Variants in CPXM2 observed in about 807,000 individuals in gnomAD.
CPXM2 encodes the protein carboxypeptidase X, M14 family member 2.
In CPXM2, 66 loss-of-function variants were observed where a neutral mutation model predicts 86.1. That is an observed-to-expected ratio of 0.77 (90% confidence interval 0.63 to 0.94). The LOEUF (loss-of-function observed/expected upper bound fraction) is 0.94. Ranked by LOEUF, CPXM2 falls within the 40% of genes least tolerant of loss-of-function variation. CPXM2 has a pLI of 0.00. For synonymous variants in CPXM2, 388 were observed against 400.2 expected (o/e 0.97, Z 0.36); for missense variants, 948 against 1,026.3 (o/e 0.92, Z 1.04).
intron 6 of CPXM2, among the ~76,000 whole-genome samples, chr10:123,782,214 TG>T (rs1846950800): frequency 1.3e-5 from 2 of 152,242 alleles, no homozygotes; most frequent in Admixed American, 1.3e-4. Flanking sequence ...TTTCCAAACC[TG>T]CCAGTTTCAA....
At chr10:123,881,462 G>T in intron 1 of CPXM2, among the ~76,000 whole-genome samples, 1 of 152,018 alleles carries the variant, frequency 6.6e-6, no homozygotes, top group East Asian at 1.9e-4. Flanking sequence ...GAGAGGGGAA[G>T]GAAGGGAAGC....
chr10:123,845,956 T>C (rs1195967050), intron 3 of CPXM2, among the ~76,000 whole-genome samples: 3 of 152,126 alleles, frequency 2.0e-5, no homozygotes, highest in Admixed American at 1.3e-4. Flanking sequence ...AGATTTTTCA[T>C]CCTAGAATTT....
intron 4 of CPXM2, among the ~76,000 whole-genome samples, chr10:123,835,896 A>C (rs559664142): frequency 6.6e-6 from 1 of 152,182 alleles, no homozygotes; most frequent in Non-Finnish European, 1.5e-5. Context: ...GTGGAAGAGA[A>C]AGGGTGGACT....
intron 2 of CPXM2, among the ~76,000 whole-genome samples, chr10:123,871,643 A>T (rs914962177): frequency 6.6e-6 from 1 of 152,250 alleles, no homozygotes; most frequent in Non-Finnish European, 1.5e-5. Context: ...AAATATCTTC[A>T]TGACCTTGGG....
At chr10:123,768,438 A>C in intron 9 of CPXM2, 88 bp downstream of exon 9, 1 of 805,494 alleles carries the variant, frequency 1.2e-6, no homozygotes, top group Non-Finnish European at 1.8e-6. Context: ...GGAAGGTGGA[A>C]TTTTGCATAG....
At chr10:123,816,112 T>C (rs951726235) in intron 4 of CPXM2, among the ~76,000 whole-genome samples, 2 of 152,114 alleles carry the variant, frequency 1.3e-5, no homozygotes. Flanking sequence ...GAGATTGGGA[T>C]GGTGGAGTGG....
chr10:123,894,517 G>A (rs1484905107), upstream of CPXM2, among the ~76,000 whole-genome samples: 1 of 152,174 alleles, frequency 6.6e-6, no homozygotes, highest in African/African-American at 2.4e-5. Flanking sequence ...GTCTACCTCT[G>A]GCTCCCTCTC....
intron 2 of CPXM2, among the ~76,000 whole-genome samples, chr10:123,866,509 G>C (rs1848984482): frequency 6.6e-6 from 1 of 151,872 alleles, no homozygotes; most frequent in South Asian, 2.1e-4. Flanking sequence ...AGGTTGCAGT[G>C]AGCCGAGATC....
intron 6 of CPXM2, among the ~76,000 whole-genome samples, chr10:123,795,478 G>C (rs995148149): frequency 6.6e-6 from 1 of 152,128 alleles, no homozygotes; most frequent in African/African-American, 2.4e-5. Flanking sequence ...AAAGAGGCCT[G>C]GAAAGTGCAG....
At chr10:123,841,049 A>T (rs1369022708) in intron 4 of CPXM2, among the ~76,000 whole-genome samples, 3 of 152,192 alleles carry the variant, frequency 2.0e-5, no homozygotes, top group Admixed American at 1.3e-4. Flanking sequence ...GACGGGAGGG[A>T]TCTGAGCTCA....
intron 2 of CPXM2, among the ~76,000 whole-genome samples, chr10:123,867,527 CTTTTTTTTTTT>C (rs34482126): frequency 1.1e-5 from 1 of 92,924 alleles, no homozygotes; most frequent in African/African-American, 4.2e-5. Flanking sequence ...AGATTTCTTT[CTTTTTTTTTTT>C]TTTTTTTTTT....
At position 123,761,911 on chromosome 10, in the gene CPXM2, C is replaced by A; in HGVS notation, c.1738G>T (p.Gly580Cys). Residue 580 changes from glycine to cysteine, a missense_variant, in exon 11 of 14, where the codon GGC becomes TGC. Transcript: ENST00000241305. ...TGCCAGGAGGCCCCATTGACAGTGC[C>A]CTCCTCCTTCTGGAAGTCCTCCGTG... Reference protein sequence around the residue: ...CHTEDFQKEEGTVNGASWHTV... With the variant: ...CHTEDFQKEECTVNGASWHTV... 1 of 1,613,854 alleles carries A rather than the reference C, an allele frequency of 6.2e-7. No homozygotes were observed. The highest frequency in any genetic ancestry group is 8.5e-7 in the Non-Finnish European group (1 of 1,179,908).
At chr10:123,857,071 T>C (rs558361713) in intron 3 of CPXM2, among the ~76,000 whole-genome samples, 262 of 152,244 alleles carry the variant, frequency 1.7e-3, no homozygotes, top group African/African-American at 5.8e-3. Context: ...AGAATAATCA[T>C]AGGTGAGGGG....
chr10:123,909,142 A>C (rs1945467856), intron 2 of CPXM2, among the ~76,000 whole-genome samples: 1 of 152,154 alleles, frequency 6.6e-6, no homozygotes. Flanking sequence ...GGCATAGCGG[A>C]TCCCACACAA....
At chr10:123,905,652 C>T (rs994328821) in intron 2 of CPXM2, among the ~76,000 whole-genome samples, 2 of 152,142 alleles carry the variant, frequency 1.3e-5, no homozygotes, top group South Asian at 2.1e-4. Flanking sequence ...TGTGACCGTA[C>T]ATTCCCACTG....
intron 11 of CPXM2, 146 bp from the exon 12 acceptor site, chr10:123,757,498 A>T: frequency 1.5e-6 from 1 of 682,514 alleles, no homozygotes; most frequent in Non-Finnish European, 2.5e-6. Flanking sequence ...TATAGACAAA[A>T]ATTTGCATTA....
At chr10:123,824,733 T>A (rs1173152375) in intron 4 of CPXM2, among the ~76,000 whole-genome samples, 1 of 152,238 alleles carries the variant, frequency 6.6e-6, no homozygotes, top group African/African-American at 2.4e-5. Context: ...TCTGTAGCAA[T>A]AAGTTGATAA....
chr10:123,804,504 TTGTTGC>T, intron 4 of CPXM2, among the ~76,000 whole-genome samples: 1 of 152,328 alleles, frequency 6.6e-6, no homozygotes, highest in East Asian at 1.9e-4. Context: ...TCCTCCTTAT[TTGTTGC>T]TGGTATGTAG....
chr10:123,920,520 G>A (rs1945571341), intron 2 of CPXM2, among the ~76,000 whole-genome samples: 1 of 152,172 alleles, frequency 6.6e-6, no homozygotes. Flanking sequence ...AAAATACTAT[G>A]CATAGAGAAA....
Sources: allele counts gnomAD v4.1 joint callset (sites outside exome capture counted in the v4.1 genomes callset), GRCh38; gene constraint gnomAD v4.1.1; transcripts MANE v1.5; gene names NCBI Gene and HGNC (gene_info 2026-07-23, HGNC 2026-07-21).